Variants in CD276 observed in about 807,000 individuals in gnomAD.
CD276 encodes the protein CD276 molecule.
A neutral mutation model predicts 50.0 loss-of-function variants in CD276; 34 were observed. That is an observed-to-expected ratio of 0.68 (90% CI 0.52 to 0.91). CD276 has a LOEUF of 0.91. Among genes scored for constraint, CD276 ranks in the 40% least tolerant of loss-of-function variants. The pLI, the probability that CD276 is intolerant of heterozygous loss-of-function variation, is 0.00. For missense variants in CD276, 634 were observed against 717.5 expected, an observed-to-expected ratio of 0.88 and a Z score of 1.33; for synonymous variants, 275 against 313.0, an observed-to-expected ratio of 0.88 and a Z score of 1.28.
chr15:73,709,569 C>A (rs976522996), intron 7 of CD276, 79 bp from the exon 8 acceptor site: 5 of 1,422,272 alleles, frequency 3.5e-6, no homozygotes, highest in Non-Finnish European at 4.0e-6. Context: ...CAGCTTCCTG[C>A]ACTCTCAGGT....
At chr15:73,689,819 A>G (rs1899922017) in intron 1 of CD276, among the ~76,000 whole-genome samples, 1 of 152,190 alleles carries the variant, frequency 6.6e-6, no homozygotes, top group South Asian at 2.1e-4. Context: ...AACATGCGAT[A>G]TGGTCACAGC....
At chr15:73,696,068 C>T (rs1223185288) in intron 1 of CD276, among the ~76,000 whole-genome samples, 1 of 152,210 alleles carries the variant, frequency 6.6e-6, no homozygotes, top group Non-Finnish European at 1.5e-5. Flanking sequence ...GGTTGGATGC[C>T]CTTGCTGTAC....
At position 73,703,225 on chromosome 15, in the gene CD276, G is replaced by T. The variant is rs942594627; in HGVS notation, c.733+139G>T. 9.2e-7 allele frequency: 1 copy of T among 1,086,714 alleles called. No homozygotes were observed. Among genetic ancestry groups the T allele is most frequent in the Non-Finnish European group, 1.3e-6 (1 of 766,760 alleles). 67.3% of individuals were successfully genotyped at this position (1,086,714 alleles called of 1,614,324 possible). A position where few individuals can be genotyped will look rare whatever the true frequency, so the allele number is the denominator to read the frequency against. On this transcript the variant is annotated intron_variant, in intron 4 of 9. Coordinates refer to ENST00000318443, the MANE Select transcript of CD276 (RefSeq NM_001024736.2). ...TAATGATAGGGAGAAAGATAACGGG[G>T]AGGTGGGGATGTTCACTGGAGGGGT...
intron 9 of CD276, chr15:73,711,417 G>A (rs1055034966): frequency 4.6e-5 from 23 of 495,226 alleles, no homozygotes; most frequent in African/African-American, 4.3e-4. Flanking sequence ...CTGTGATAGT[G>A]TGAGCATAGG....
At chr15:73,711,032 T>C in intron 8 of CD276, 103 bp from the exon 9 acceptor site, 1 of 1,238,782 alleles carries the variant, frequency 8.1e-7, no homozygotes, top group Non-Finnish European at 1.2e-6. Context: ...CTCTGCTGAC[T>C]TGTCCCGCCC....
chr15:73,709,665 G>A lies in CD276; in HGVS notation c.1522G>A (p.Gly508Arg), dbSNP rs3825859. Residue 508 changes from glycine (G) to arginine (R), a missense_variant, in exon 8 of 10, where the codon GGG becomes AGG. Coordinates refer to ENST00000318443, the MANE Select transcript of CD276 (RefSeq NM_001024736.2). ...EENAGAEDQD[G>R]EGEGSKTALQ... The stretch of plus-strand genomic sequence containing the variant: ...CTTTGCAGGAGCTGAGGACCAGGAT[G>A]GGGAGGGAGAAGGCTCCAAGACAGG... 79,780 of 1,611,712 alleles carry A rather than the reference G, an allele frequency of 0.05. 2,186 individuals are homozygous for A. The highest frequency in any genetic ancestry group is 0.083 in the East Asian group (3,711 of 44,808).
At chr15:73,697,236 C>A (rs1900212563) in intron 1 of CD276, among the ~76,000 whole-genome samples, 1 of 152,088 alleles carries the variant, frequency 6.6e-6, no homozygotes, top group African/African-American at 2.4e-5. Context: ...CCGGAAGCGT[C>A]TGGAAAGGAA....
intron 2 of CD276, among the ~76,000 whole-genome samples, chr15:73,700,212 A>G (rs1332914452): frequency 6.6e-6 from 1 of 152,192 alleles, no homozygotes; most frequent in Non-Finnish European, 1.5e-5. Context: ...TTCAAAGAGC[A>G]GGGTCCATCT....
chr15:73,702,142 G>A (rs1197656626), intron 2 of CD276, 113 bp from the exon 3 acceptor site: 2 of 807,342 alleles, frequency 2.5e-6, no homozygotes, highest in African/African-American at 1.7e-5. Context: ...TGGGTCTCAG[G>A]CCTAAAAGGA....
At chr15:73,705,012 T>C (rs1482865049) in intron 6 of CD276, among the ~76,000 whole-genome samples, 2 of 152,198 alleles carry the variant, frequency 1.3e-5, no homozygotes, top group Admixed American at 6.5e-5. Flanking sequence ...AAACACCAGA[T>C]AGAGGCCACC....
chr15:73,703,880 G>T lies in CD276; in HGVS notation c.955G>T (p.Ala319Ser). The change falls in exon 5 of 10, where the codon GCA (alanine) becomes TCA (serine). Residue 319 changes from alanine to serine, a missense_variant. Coordinates refer to ENST00000318443, the MANE Select transcript of CD276 (RefSeq NM_001024736.2). The stretch of plus-strand genomic sequence containing the variant: ...CACGGCCCTCTTCCCGGACCTGCTG[G>T]CACAAGGCAATGCATCCCTGAGGCT... ...NRTALFPDLLAQGNASLRLQR... is the reference protein window; with the variant it reads ...NRTALFPDLLSQGNASLRLQR... The T allele has an allele frequency of 6.2e-7, 1 of 1,613,700 alleles. No individual in the cohort carries two copies. Among genetic ancestry groups the T allele is most frequent in the African/African-American group, 1.3e-5 (1 of 75,066 alleles).
At position 73,702,265 on chromosome 15, in the gene CD276, G is replaced by C; in HGVS notation, c.90G>C (p.Glu30Asp). ...TCCCCCTACCCCCAGGAGCCCTGGA[G>C]GTCCAGGTCCCTGAAGACCCAGTGG... Reference protein sequence around the residue: ...ALWFCLTGALEVQVPEDPVVA... With the variant: ...ALWFCLTGALDVQVPEDPVVA... The change falls in exon 3 of 10, where the codon GAG becomes GAC. Residue 30 changes from glutamate to aspartate, a missense_variant. By Grantham distance (45) the Glu-to-Asp change is conservative. Coordinates refer to ENST00000318443, the MANE Select transcript of CD276 (RefSeq NM_001024736.2). 1.9e-6 allele frequency: 3 copies of C among 1,608,820 alleles called. No homozygotes were observed. The highest frequency in any genetic ancestry group is 2.5e-6 in the Non-Finnish European group (3 of 1,177,508).
rs1353096579 is a variant in CD276, at chr15:73,702,303, G to T, written c.128G>T (p.Gly43Val). The T allele has an allele frequency of 1.1e-5, 17 of 1,612,970 alleles. No homozygotes were observed. The highest frequency in any genetic ancestry group is 1.4e-5 in the Non-Finnish European group (17 of 1,179,892). ...GAAGACCCAGTGGTGGCACTGGTGG[G>T]CACCGATGCCACCCTGTGCTGCTCC... ...VPEDPVVALV[G>V]TDATLCCSFS... Residue 43 changes from glycine to valine, a missense_variant, in exon 3 of 10, where the codon GGC (glycine) becomes GTC (valine). Coordinates refer to ENST00000318443, the MANE Select transcript of CD276 (RefSeq NM_001024736.2).
At chr15:73,689,033 G>T (rs1005445035) in intron 1 of CD276, among the ~76,000 whole-genome samples, 1 of 152,150 alleles carries the variant, frequency 6.6e-6, no homozygotes, top group Admixed American at 6.5e-5. Context: ...CCCTGGGCCT[G>T]CCAGTGTCTG....
rs141119771 is a variant in CD276 at position 73,702,509 on chromosome 15, G to A, written c.334G>A (p.Val112Met). 59 of 1,613,042 alleles carry A rather than the reference G, an allele frequency of 3.7e-5. No individual in the cohort carries two copies. The highest frequency in any genetic ancestry group is 4.0e-5 in the African/African-American group (3 of 74,930). ...QGNASLRLQR[V>M]RVADEGSFTC... Reference sequence around the variant, plus strand: ...CAACGCATCCCTGAGGCTGCAGCGCGTGCGTGTGGCGGACGAGGGCAGCTT... The same window carrying A: ...CAACGCATCCCTGAGGCTGCAGCGCATGCGTGTGGCGGACGAGGGCAGCTT... Residue 112 changes from valine to methionine, a missense_variant, in exon 3 of 10, where the codon GTG becomes ATG. Physicochemically the swap from Val to Met is conservative, Grantham distance 21 (BLOSUM62 1). Transcript: ENST00000318443.
Position 73,712,992 on chromosome 15 carries a change from G to C in CD276, c.*36G>C, listed in dbSNP as rs759262357. ...CAGGGAGCTGCTACCCCTCCCTACAGCTCCTACCCTCTGGCTGCAATGGGG... is the reference window on the plus strand; with the variant it reads ...CAGGGAGCTGCTACCCCTCCCTACACCTCCTACCCTCTGGCTGCAATGGGG... On this transcript the variant is annotated 3_prime_UTR_variant, in exon 10 of 10. Coordinates refer to ENST00000318443, the MANE Select transcript of CD276 (RefSeq NM_001024736.2). 3.7e-6 allele frequency: 6 copies of C among 1,607,140 alleles called. No homozygotes were observed. The highest frequency in any genetic ancestry group is 4.3e-6 in the Non-Finnish European group (5 of 1,174,392).
In CD276 at chr15:73,708,724, G is replaced by GT. The variant is rs1900756990; in HGVS notation, c.1504+252dup. On this transcript the variant is annotated intron_variant, in intron 7 of 9. Coordinates refer to ENST00000318443, the MANE Select transcript of CD276 (RefSeq NM_001024736.2). ...AGTGTGACTGGAAGGTGGTGGGAGT[G>GT]TAAGGCCAAGTGCTACAAAGGGATG... The GT allele has an allele frequency of 3.6e-5, 19 of 521,426 alleles. No individual in the cohort carries two copies. The South Asian group carries it at 3.8e-4, about 10-fold the overall frequency. 32.3% of individuals were successfully genotyped at this position (521,426 alleles called of 1,614,324 possible). A position where few individuals can be genotyped will look rare whatever the true frequency, so the allele number is the denominator to read the frequency against.
intron 8 of CD276, among the ~76,000 whole-genome samples, chr15:73,710,291 C>T (rs1900840062): frequency 6.6e-6 from 1 of 152,240 alleles, no homozygotes; most frequent in South Asian, 2.1e-4. Flanking sequence ...TGCCTTGCTC[C>T]TCTGGGCATC....
rs1484332225 is a variant in CD276, at chr15:73,708,605, TTGTC to T, written c.1504+136_1504+139del. ...TGTGTGTGTGCAGATGGGGCTGGAT[TTGTC>T]TGTGTGTGACCTTGAGTCTACGTCT... On this transcript the variant is annotated intron_variant, in intron 7 of 9. Coordinates refer to ENST00000318443, the MANE Select transcript of CD276 (RefSeq NM_001024736.2). The T allele has an allele frequency of 2.8e-5, 32 of 1,123,654 alleles. No homozygotes were observed. In the African/African-American group the frequency reaches 3.4e-4, roughly 12 times the overall value. 69.6% of individuals were successfully genotyped at this position (1,123,654 alleles called of 1,614,324 possible).
Sources: allele counts gnomAD v4.1 joint callset (sites outside exome capture counted in the v4.1 genomes callset), GRCh38; gene constraint gnomAD v4.1.1; transcripts MANE v1.5; gene names NCBI Gene and HGNC (gene_info 2026-07-23, HGNC 2026-07-21).